TMPRSS11E: variants seen among roughly 807,000 people sequenced by gnomAD.
The protein encoded by TMPRSS11E is transmembrane protease serine 11E.
TMPRSS11E carries 38 observed loss-of-function variants against 48.1 expected under a neutral mutation model. The ratio of observed to expected loss-of-function variants is 0.79; its 90% CI spans 0.61 to 1.04. TMPRSS11E has a LOEUF of 1.04. TMPRSS11E is among the 50% of genes least tolerant of loss of function. The pLI, the probability that TMPRSS11E is intolerant of heterozygous loss-of-function variation, is 0.00. For synonymous variants in TMPRSS11E, 158 were observed against 171.9 expected (o/e 0.92, Z 0.63); for missense variants, 530 against 510.8 (o/e 1.04, Z -0.36).
chr4:68,462,784 G>A (rs554698596), intron 2 of TMPRSS11E, among the ~76,000 whole-genome samples: 1 of 152,292 alleles, frequency 6.6e-6, no homozygotes, highest in East Asian at 1.9e-4. Flanking sequence ...AAAGAGGATA[G>A]GGTATGCCAA....
chr4:68,471,224 T>G (rs1011385636), intron 4 of TMPRSS11E, among the ~76,000 whole-genome samples: 10 of 151,728 alleles, frequency 6.6e-5, no homozygotes, highest in Non-Finnish European at 1.2e-4. Context: ...CCCTTCTTTC[T>G]TTTCTTTTCT....
At chr4:68,469,373 A>T (rs975166686) in intron 4 of TMPRSS11E, among the ~76,000 whole-genome samples, 1 of 151,980 alleles carries the variant, frequency 6.6e-6, no homozygotes, top group Non-Finnish European at 1.5e-5. Flanking sequence ...CAAAATATGT[A>T]GCTGAGAAAA....
intron 1 of TMPRSS11E, among the ~76,000 whole-genome samples, chr4:68,456,969 C>A (rs969943143): frequency 2.6e-5 from 4 of 152,076 alleles, no homozygotes; most frequent in African/African-American, 9.7e-5. Context: ...AAAACCTAGG[C>A]AATACCATTC....
At position 68,477,398 on chromosome 4, in the gene TMPRSS11E, C is replaced by T; in HGVS notation, c.737C>T (p.Ser246Phe). ...AAGAACCCTGCCAGATGGACTGCTT[C>T]CTTTGGAGTAACAATAAAACCTTCG... is the stretch of plus-strand genomic sequence containing the variant. ...TYKNPARWTA[S>F]FGVTIKPSKM... is the part of the protein sequence containing the mutation. Residue 246 changes from serine to phenylalanine, a missense_variant, in exon 8 of 10, where the codon TCC (serine) becomes TTC (phenylalanine). Coordinates refer to ENST00000305363, the MANE Select transcript of TMPRSS11E (RefSeq NM_014058.4). 6.2e-7 allele frequency: 1 copy of T among 1,614,000 alleles called. No individual in the cohort carries two copies. The highest frequency in any genetic ancestry group is 2.2e-5 in the East Asian group (1 of 44,874).
intron 2 of TMPRSS11E, among the ~76,000 whole-genome samples, chr4:68,466,031 A>G (rs981788993): frequency 5.9e-5 from 9 of 152,188 alleles, no homozygotes; most frequent in African/African-American, 2.2e-4. Flanking sequence ...ACATACATGC[A>G]GTGACAAGGG....
At position 68,486,366 on chromosome 4, in the gene TMPRSS11E, T is replaced by C. The variant is rs1457916300; in HGVS notation, c.1110+7375T>C. Among the ~76,000 whole-genome samples the C allele has an allele frequency of 2.0e-5, 3 of 152,238 alleles. 1 individual carries two copies. The highest frequency in any genetic ancestry group is 4.4e-5 in the Non-Finnish European group (3 of 68,032). The stretch of plus-strand genomic sequence containing the variant: ...CTTTATTTTCATTAATTTCAAAGAA[T>C]TTCTTGCTTTCTGTCTTAATTTCAT... On this transcript the variant is annotated intron_variant, in intron 9 of 9. Transcript: ENST00000305363.
intron 1 of TMPRSS11E, among the ~76,000 whole-genome samples, chr4:68,458,807 G>C (rs1728707365): frequency 6.6e-6 from 1 of 152,000 alleles, no homozygotes; most frequent in Admixed American, 6.6e-5. Context: ...AACAAATAAT[G>C]TTTCAAGTGA....
At chr4:68,467,553 C>T (rs1453528169) in intron 3 of TMPRSS11E, among the ~76,000 whole-genome samples, 2 of 152,130 alleles carry the variant, frequency 1.3e-5, no homozygotes, top group Non-Finnish European at 2.9e-5. Flanking sequence ...TGATACATCA[C>T]TTGGAATATT....
intron 5 of TMPRSS11E, 57 bp from the exon 6 acceptor site, chr4:68,474,666 G>A (rs1000726099): frequency 3.8e-5 from 57 of 1,502,106 alleles, no homozygotes; most frequent in East Asian, 2.5e-4. Flanking sequence ...TGAAATACTC[G>A]GAGGCATAGT....
chr4:68,449,254 A>G (rs1210422812), intron 1 of TMPRSS11E, among the ~76,000 whole-genome samples: 1 of 151,726 alleles, frequency 6.6e-6, no homozygotes, highest in African/African-American at 2.4e-5. Flanking sequence ...TCAACACATG[A>G]ATTTTATAAA....
At chr4:68,477,328 C>T (rs1191506785) in intron 7 of TMPRSS11E, 41 bp from the exon 8 acceptor site, 1 of 1,555,046 alleles carries the variant, frequency 6.4e-7, no homozygotes, top group South Asian at 1.2e-5. Flanking sequence ...CGACTGGTAG[C>T]ATGGTAAAAA....
At chr4:68,494,602 C>T (rs1729818192) in intron 9 of TMPRSS11E, among the ~76,000 whole-genome samples, 1 of 151,970 alleles carries the variant, frequency 6.6e-6, no homozygotes, top group African/African-American at 2.4e-5. Flanking sequence ...TTCTGTTTCT[C>T]ACTAAACCAT....
At chr4:68,481,243 C>T (rs979037956) in intron 9 of TMPRSS11E, among the ~76,000 whole-genome samples, 8 of 152,144 alleles carry the variant, frequency 5.3e-5, no homozygotes, top group Admixed American at 2.6e-4. Flanking sequence ...ACTATTGTGA[C>T]AATTGCTGCC....
intron 9 of TMPRSS11E, 107 bp downstream of exon 9, chr4:68,479,098 C>A: frequency 2.3e-6 from 3 of 1,294,220 alleles, no homozygotes; most frequent in Non-Finnish European, 3.2e-6. Context: ...GGAGTCACAA[C>A]ATCTCACCCA....
chr4:68,479,052 T>C, intron 9 of TMPRSS11E, 61 bp downstream of exon 9: 1 of 1,589,732 alleles, frequency 6.3e-7, no homozygotes, highest in East Asian at 2.2e-5. Context: ...TTTGAAATAA[T>C]TATATATCTA....
At chr4:68,492,608 T>C (rs1453476296) in intron 9 of TMPRSS11E, among the ~76,000 whole-genome samples, 5 of 152,218 alleles carry the variant, frequency 3.3e-5, no homozygotes, top group Non-Finnish European at 7.4e-5. Context: ...TGTTTAGTTA[T>C]AAGTTTTAGC....
chr4:68,493,123 T>A (rs2109725198), intron 9 of TMPRSS11E, among the ~76,000 whole-genome samples: 1 of 152,232 alleles, frequency 6.6e-6, no homozygotes, highest in South Asian at 2.1e-4. Flanking sequence ...ATTTTTATTA[T>A]AAAAATTTCA....
chr4:68,455,120 T>G (rs1208790582), intron 1 of TMPRSS11E, among the ~76,000 whole-genome samples: 1 of 151,954 alleles, frequency 6.6e-6, no homozygotes, highest in East Asian at 1.9e-4. Context: ...TTCTCAGGTA[T>G]GGTATTTAGA....
chr4:68,477,404 G>A lies in TMPRSS11E; in HGVS notation c.743G>A (p.Gly248Glu). Residue 248 changes from glycine (G) to glutamate (E), a missense_variant, in exon 8 of 10, where the codon GGA becomes GAA. Coordinates refer to ENST00000305363, the MANE Select transcript of TMPRSS11E (RefSeq NM_014058.4). ...CCTGCCAGATGGACTGCTTCCTTTG[G>A]AGTAACAATAAAACCTTCGAAAATG... is the stretch of plus-strand genomic sequence containing the variant. ...KNPARWTASF[G>E]VTIKPSKMKR... 6.2e-7 allele frequency: 1 copy of A among 1,613,906 alleles called. No individual in the cohort carries two copies. The highest frequency in any genetic ancestry group is 1.1e-5 in the South Asian group (1 of 91,062).
Sources: allele counts gnomAD v4.1 joint callset (sites outside exome capture counted in the v4.1 genomes callset), GRCh38; gene constraint gnomAD v4.1.1; transcripts MANE v1.5; gene names NCBI Gene and HGNC (gene_info 2026-07-23, HGNC 2026-07-21).